PDZD8: variants seen among roughly 807,000 people sequenced by gnomAD.
PDZD8 encodes PDZ domain containing 8.
A neutral mutation model predicts 85.8 loss-of-function variants in PDZD8; 14 were observed. The ratio of observed to expected loss-of-function variants is 0.16; its 90% CI spans 0.11 to 0.26. The LOEUF is 0.26. Among genes scored for constraint, PDZD8 ranks in the 10% least tolerant of loss-of-function variants. The pLI is 1.00. For synonymous variants in PDZD8, 592 were observed against 568.6 expected, an observed-to-expected ratio of 1.04 and a Z score of -0.59; for missense variants, 1,197 against 1,424.3, an observed-to-expected ratio of 0.84 and a Z score of 2.57.
chr10:117,372,298 G>A (rs918300519), intron 1 of PDZD8, among the ~76,000 whole-genome samples: 1 of 152,070 alleles, frequency 6.6e-6, no homozygotes, highest in Non-Finnish European at 1.5e-5. Context: ...ACTTTTAAAT[G>A]GTTGTTATTC....
rs780455053 is a variant in PDZD8, at chr10:117,285,399, T to A, written c.1334A>T (p.Tyr445Phe). The A allele has an allele frequency of 1.2e-6, 2 of 1,614,124 alleles. No individual in the cohort carries two copies. Residue 445 changes from tyrosine to phenylalanine, a missense_variant, in exon 5 of 5, where the codon TAT becomes TTT. Physicochemically the swap from Tyr to Phe is conservative, Grantham distance 22. Coordinates refer to ENST00000334464, the MANE Select transcript of PDZD8 (RefSeq NM_173791.5). ...ATTACTCTGGCCAACAGGCCTTTCA[T>A]AGTACACCAGGACTCGGTCACCAGC... The part of the protein sequence containing the change: ...KQAGDRVLVY[Y>F]ERPVGQSNQG...
At chr10:117,292,939 C>A (rs1844796291) in intron 3 of PDZD8, among the ~76,000 whole-genome samples, 1 of 151,840 alleles carries the variant, frequency 6.6e-6, no homozygotes, top group South Asian at 2.1e-4. Flanking sequence ...TTTTTGTTTC[C>A]TTTTAAGCCT....
intron 1 of PDZD8, among the ~76,000 whole-genome samples, chr10:117,345,287 G>A (rs1844685483): frequency 6.6e-6 from 1 of 152,180 alleles, no homozygotes; most frequent in African/African-American, 2.4e-5. Context: ...ACATATCCTA[G>A]GCTGCAGGCT....
At chr10:117,370,768 A>T (rs940775254) in intron 1 of PDZD8, among the ~76,000 whole-genome samples, 4 of 149,156 alleles carry the variant, frequency 2.7e-5, no homozygotes, top group African/African-American at 1.0e-4. Context: ...TTTTAAAAGG[A>T]TCCTCTAAAA....
chr10:117,372,024 G>A (rs527238448), intron 1 of PDZD8, among the ~76,000 whole-genome samples: 1 of 152,300 alleles, frequency 6.6e-6, no homozygotes, highest in South Asian at 2.1e-4. Context: ...CCTGAGGGCT[G>A]AGTTCAAGTA....
chr10:117,278,869 A>C lies in PDZD8; in HGVS notation c.*4399T>G, dbSNP rs1263927025. The C allele has an allele frequency of 6.6e-6, 1 of 152,216 alleles. No individual in the cohort carries two copies. Among genetic ancestry groups the C allele is most frequent in the Non-Finnish European group, 1.5e-5 (1 of 68,046 alleles). 9.4% of individuals were successfully genotyped at this position (152,216 alleles called of 1,614,324 possible). ...ACTTGGCCAAGTCTGCCACTTTGGAAGATGGCTCTGGAGGAAACTCTCATA... is the reference window on the plus strand; with the variant it reads ...ACTTGGCCAAGTCTGCCACTTTGGACGATGGCTCTGGAGGAAACTCTCATA... On this transcript the variant is annotated 3_prime_UTR_variant, in exon 5 of 5. Coordinates refer to ENST00000334464, the MANE Select transcript of PDZD8 (RefSeq NM_173791.5).
At chr10:117,347,070 C>T (rs1844721865) in intron 1 of PDZD8, among the ~76,000 whole-genome samples, 1 of 152,154 alleles carries the variant, frequency 6.6e-6, no homozygotes, top group South Asian at 2.1e-4. Flanking sequence ...AAACCCACCC[C>T]TCCTGTGTGT....
intron 1 of PDZD8, among the ~76,000 whole-genome samples, chr10:117,353,600 TTAAA>T (rs1844843542): frequency 6.6e-6 from 1 of 152,152 alleles, no homozygotes; most frequent in Non-Finnish European, 1.5e-5. Flanking sequence ...TTATTACTTT[TTAAA>T]GGTTTGATAG....
chr10:117,289,965 A>T (rs933303814), intron 4 of PDZD8, among the ~76,000 whole-genome samples: 1 of 152,230 alleles, frequency 6.6e-6, no homozygotes, highest in African/African-American at 2.4e-5. Flanking sequence ...AAAGTATTTT[A>T]AAGATTTATA....
chr10:117,356,517 A>T (rs960506076), intron 1 of PDZD8, among the ~76,000 whole-genome samples: 5 of 152,196 alleles, frequency 3.3e-5, no homozygotes, highest in African/African-American at 4.8e-5. Context: ...ACACAGGTAC[A>T]CTCACATCCA....
At chr10:117,309,857 A>G (rs1195906048) in intron 3 of PDZD8, among the ~76,000 whole-genome samples, 2 of 152,134 alleles carry the variant, frequency 1.3e-5, no homozygotes, top group Admixed American at 6.6e-5. Context: ...TGTGGATGAA[A>G]CGGGTTTGGG....
At chr10:117,363,272 GAA>G (rs1194466892) in intron 1 of PDZD8, among the ~76,000 whole-genome samples, 1 of 152,020 alleles carries the variant, frequency 6.6e-6, no homozygotes, top group African/African-American at 2.4e-5. Flanking sequence ...CCGTATGTAT[GAA>G]AGACTATTGT....
intron 3 of PDZD8, among the ~76,000 whole-genome samples, chr10:117,299,694 T>G (rs1240461261): frequency 6.6e-6 from 1 of 152,162 alleles, no homozygotes; most frequent in African/African-American, 2.4e-5. Flanking sequence ...TGATATCTAT[T>G]TCTCTGGAGA....
rs1268844753 is a variant in PDZD8 at position 117,284,588 on chromosome 10, C to T, written c.2145G>A (p.Leu715=). 1 of 1,614,054 alleles carries T rather than the reference C, an allele frequency of 6.2e-7. No homozygotes were observed. Among genetic ancestry groups the T allele is most frequent in the Non-Finnish European group, 8.5e-7 (1 of 1,180,038 alleles). The change falls in exon 5 of 5, where the codon TTG becomes TTA. Residue 715 remains leucine, a synonymous_variant. Transcript: ENST00000334464. ...CCAACTTGAAAGGATCCCTGCACCACAATGCAATGTTTAAGTACCTGTGAC... is the reference window on the plus strand; with the variant it reads ...CCAACTTGAAAGGATCCCTGCACCATAATGCAATGTTTAAGTACCTGTGAC... The part of the protein sequence containing the change: ...EACHRYLNIA[L]WCRDPFKLGG...
chr10:117,375,136 G>C lies in PDZD8; in HGVS notation c.92C>G (p.Pro31Arg), dbSNP rs759137366. 5.7e-6 allele frequency: 9 copies of C among 1,590,222 alleles called. No homozygotes were observed. In the Admixed American group the frequency reaches 8.5e-5, roughly 15 times the overall value. ...GGCGGCCTCGTCCGCCGGCGGCTCG[G>C]GCTGTCTGCGGTACAGCAGGAAGAA... ...AQFFLLYRRQ[P>R]EPPADEAARA... Residue 31 changes from proline (P) to arginine (R), a missense_variant, in exon 1 of 5, where the codon CCC becomes CGC. Physicochemically the swap from Pro to Arg is moderately radical, Grantham distance 103. Transcript: ENST00000334464.
chr10:117,287,783 C>T (rs1844691972), intron 4 of PDZD8, among the ~76,000 whole-genome samples: 1 of 152,208 alleles, frequency 6.6e-6, no homozygotes, highest in African/African-American at 2.4e-5. Flanking sequence ...TTTCCTAAAG[C>T]ATTTGCCCCT....
chr10:117,366,929 AAC>A (rs1845100742), intron 1 of PDZD8, among the ~76,000 whole-genome samples: 1 of 152,194 alleles, frequency 6.6e-6, no homozygotes. Context: ...ATACTTAGCA[AAC>A]AGTGTTTTAT....
intron 1 of PDZD8, among the ~76,000 whole-genome samples, chr10:117,344,640 G>A (rs545891529): frequency 7.2e-5 from 11 of 152,262 alleles, no homozygotes; most frequent in Admixed American, 3.9e-4. Context: ...GCCCACCTCG[G>A]CCTCCCAAAG....
chr10:117,342,800 C>G (rs913007702), intron 1 of PDZD8, among the ~76,000 whole-genome samples: 5 of 152,138 alleles, frequency 3.3e-5, no homozygotes, highest in African/African-American at 4.8e-5. Flanking sequence ...CACAATTAAT[C>G]TTTCTAATCA....
Sources: gnomAD v4.1 joint callset for allele counts (sites outside exome capture counted in the v4.1 genomes callset) on GRCh38, gnomAD v4.1.1 for gene constraint, MANE v1.5 for transcripts, NCBI Gene and HGNC (gene_info 2026-07-23, HGNC 2026-07-21) for gene names.